SPAG16: variants seen among roughly 807,000 people sequenced by gnomAD.
The protein encoded by SPAG16 is sperm associated antigen 16.
Under a neutral mutation model 80.4 loss-of-function variants are expected in SPAG16, and 86 were observed. That is an observed-to-expected ratio of 1.07 (90% CI 0.90 to 1.28). SPAG16 has a LOEUF of 1.28. SPAG16 is among the 50% of genes most tolerant of loss of function. The probability of loss-of-function intolerance (pLI) is 0.00; values close to 1 mark genes in which losing one functional copy is unlikely to be tolerated. For missense variants in SPAG16, 870 were observed against 765.3 expected (o/e 1.14, Z -1.61); for synonymous variants, 294 against 265.9 (o/e 1.11, Z -1.03).
At chr2:213,662,727 G>A (rs1162404157) in intron 10 of SPAG16, among the ~76,000 whole-genome samples, 1 of 151,794 alleles carries the variant, frequency 6.6e-6, no homozygotes, top group East Asian at 1.9e-4. Flanking sequence ...AGTTGGGAAA[G>A]CAATACAGAA....
At chr2:214,053,708 A>C (rs2049782663) in intron 13 of SPAG16, among the ~76,000 whole-genome samples, 1 of 152,200 alleles carries the variant, frequency 6.6e-6, no homozygotes, top group African/African-American at 2.4e-5. Context: ...AATGATCACA[A>C]CAGTACAAGT....
At chr2:213,757,615 C>G (rs1244950665) in intron 10 of SPAG16, among the ~76,000 whole-genome samples, 2 of 152,128 alleles carry the variant, frequency 1.3e-5, no homozygotes, top group East Asian at 3.9e-4. Flanking sequence ...TAAAGGCTTG[C>G]AACTTCTAGG....
At chr2:213,756,699 C>A (rs897751344) in intron 10 of SPAG16, among the ~76,000 whole-genome samples, 2 of 151,870 alleles carry the variant, frequency 1.3e-5, no homozygotes, top group African/African-American at 4.8e-5. Flanking sequence ...TATACCAGGC[C>A]AATTAAAATT....
intron 10 of SPAG16, among the ~76,000 whole-genome samples, chr2:213,808,025 A>C (rs942153498): frequency 1.3e-5 from 2 of 152,232 alleles, no homozygotes; most frequent in African/African-American, 4.8e-5. Flanking sequence ...AATTAGAATC[A>C]AGAAACACGG....
intron 10 of SPAG16, among the ~76,000 whole-genome samples, chr2:213,556,153 A>C (rs966396793): frequency 6.6e-6 from 1 of 151,970 alleles, no homozygotes; most frequent in African/African-American, 2.4e-5. Context: ...GAAGACAGCT[A>C]AAAAATGAAG....
intron 9 of SPAG16, among the ~76,000 whole-genome samples, chr2:213,483,245 G>A (rs1192435057): frequency 6.6e-6 from 1 of 151,934 alleles, no homozygotes; most frequent in Non-Finnish European, 1.5e-5. Flanking sequence ...AATAAATAAC[G>A]ATGCATAGAA....
At chr2:213,764,204 T>C (rs938964550) in intron 10 of SPAG16, among the ~76,000 whole-genome samples, 2 of 151,740 alleles carry the variant, frequency 1.3e-5, no homozygotes, top group African/African-American at 4.9e-5. Context: ...TTTTTTTTTC[T>C]CTTTTTCTTC....
At chr2:213,875,247 G>C (rs1288414809) in intron 11 of SPAG16, among the ~76,000 whole-genome samples, 1 of 151,924 alleles carries the variant, frequency 6.6e-6, no homozygotes, top group Admixed American at 6.6e-5. Context: ...AATTATATGG[G>C]AACTCTACAT....
intron 13 of SPAG16, among the ~76,000 whole-genome samples, chr2:214,058,383 C>T (rs2050054333): frequency 2.0e-5 from 3 of 152,012 alleles, no homozygotes; most frequent in Non-Finnish European, 4.4e-5. Flanking sequence ...GTGGCTGTTC[C>T]ATGGAGCAAG....
intron 10 of SPAG16, among the ~76,000 whole-genome samples, chr2:213,653,182 A>AGAATTC (rs1317356577): frequency 6.6e-6 from 1 of 152,216 alleles, no homozygotes; most frequent in East Asian, 1.9e-4. Flanking sequence ...GATTAGCTTC[A>AGAATTC]TGTGCAAACG....
At chr2:213,625,324 A>C (rs2061925119) in intron 10 of SPAG16, among the ~76,000 whole-genome samples, 1 of 152,124 alleles carries the variant, frequency 6.6e-6, no homozygotes, top group African/African-American at 2.4e-5. Context: ...TCTTCACATG[A>C]GAGCAAAGTG....
chr2:213,492,704 T>C (rs890172354), intron 10 of SPAG16, among the ~76,000 whole-genome samples: 1 of 149,794 alleles, frequency 6.7e-6, no homozygotes, highest in African/African-American at 2.4e-5. Context: ...TTTTTTGTGC[T>C]TGGGGACTAT....
rs531621309 is a variant in SPAG16 at position 214,037,672 on chromosome 2, TG to T, written c.1527+23596del. 6.7e-3 allele frequency among the ~76,000 whole-genome samples: 1,021 copies of T among 152,286 alleles called. 17 individuals carry two copies. The highest frequency in any genetic ancestry group is 0.023 in the African/African-American group (956 of 41,550). ...GTCTTTTTGATTCTCCTTAATTTTT[TG>T]CTTTATAAAAGTGTCTACTATGTTA... On this transcript the variant is annotated intron_variant, in intron 13 of 15. Coordinates refer to ENST00000331683, the MANE Select transcript of SPAG16 (RefSeq NM_024532.5).
At chr2:213,387,100 A>G (rs1358307527) in intron 9 of SPAG16, among the ~76,000 whole-genome samples, 1 of 152,162 alleles carries the variant, frequency 6.6e-6, no homozygotes, top group African/African-American at 2.4e-5. Flanking sequence ...GGTAATATTT[A>G]TACATAGAAT....
intron 10 of SPAG16, among the ~76,000 whole-genome samples, chr2:213,852,775 G>T (rs2074970203): frequency 6.6e-6 from 1 of 152,006 alleles, no homozygotes; most frequent in African/African-American, 2.4e-5. Flanking sequence ...CAGTTATTTT[G>T]TGATCTGTTC....
At chr2:214,317,061 G>C (rs1433941621) in intron 15 of SPAG16, among the ~76,000 whole-genome samples, 1 of 152,166 alleles carries the variant, frequency 6.6e-6, no homozygotes, top group East Asian at 1.9e-4. Flanking sequence ...AACATCCCAG[G>C]TTGCCGTGCC....
chr2:213,797,809 C>G (rs2071139441), intron 10 of SPAG16, among the ~76,000 whole-genome samples: 1 of 152,224 alleles, frequency 6.6e-6, no homozygotes, highest in Non-Finnish European at 1.5e-5. Context: ...GTGTAGACAT[C>G]TGCTTTCATT....
At chr2:214,196,567 C>T (rs1353315877) in intron 15 of SPAG16, among the ~76,000 whole-genome samples, 1 of 151,952 alleles carries the variant, frequency 6.6e-6, no homozygotes, top group Non-Finnish European at 1.5e-5. Context: ...GAAATATACA[C>T]TACAAACCAA....
chr2:213,442,534 G>A (rs1339701488), intron 9 of SPAG16, among the ~76,000 whole-genome samples: 1 of 152,126 alleles, frequency 6.6e-6, no homozygotes, highest in African/African-American at 2.4e-5. Flanking sequence ...TAAAATTACA[G>A]TAATTAAGAC....
Sources: allele counts gnomAD v4.1 joint callset (sites outside exome capture counted in the v4.1 genomes callset), GRCh38; gene constraint gnomAD v4.1.1; transcripts MANE v1.5; gene names NCBI Gene and HGNC (gene_info 2026-07-23, HGNC 2026-07-21).